The following CCDC91 variants were observed in gnomAD, a reference collection of about 807,000 sequenced individuals.
CCDC91 encodes the protein coiled-coil domain-containing protein 91.
A neutral mutation model predicts 63.2 loss-of-function variants in CCDC91; 48 were observed. That is an observed-to-expected ratio of 0.76 (90% CI 0.60 to 0.97). The LOEUF (loss-of-function observed/expected upper bound fraction) is 0.97, where lower values mean the gene tolerates loss of function less well. Among genes scored for constraint, CCDC91 ranks in the 50% least tolerant of loss-of-function variants. CCDC91 has a pLI of 0.00. For synonymous variants in CCDC91, 167 were observed against 165.8 expected, an observed-to-expected ratio of 1.01 and a Z score of -0.06; for missense variants, 500 against 494.6, an observed-to-expected ratio of 1.01 and a Z score of -0.10.
chr12:28,384,812 G>A (rs1308011033), intron 7 of CCDC91, among the ~76,000 whole-genome samples: 2 of 151,978 alleles, frequency 1.3e-5, no homozygotes, highest in Non-Finnish European at 2.9e-5. Context: ...GGTATGTAAA[G>A]TTCATGGAGG....
chr12:28,482,105 T>C (rs1951478055), intron 11 of CCDC91, among the ~76,000 whole-genome samples: 1 of 152,000 alleles, frequency 6.6e-6, no homozygotes, highest in Non-Finnish European at 1.5e-5. Context: ...ATACTTTTAA[T>C]TGACTCATAT....
chr12:28,248,695 C>T (rs996699549), intron 1 of CCDC91, among the ~76,000 whole-genome samples: 1 of 152,206 alleles, frequency 6.6e-6, no homozygotes, highest in Non-Finnish European at 1.5e-5. Context: ...TGAGATATAA[C>T]AATAGTGTCT....
chr12:28,335,917 T>A (rs1941940699), intron 6 of CCDC91, among the ~76,000 whole-genome samples: 1 of 151,654 alleles, frequency 6.6e-6, no homozygotes, highest in Non-Finnish European at 1.5e-5. Context: ...TGTTGCATCA[T>A]GGCCTATAGA....
chr12:28,280,587 A>C (rs533544789), intron 3 of CCDC91, among the ~76,000 whole-genome samples: 1 of 152,270 alleles, frequency 6.6e-6, no homozygotes, highest in African/African-American at 2.4e-5. Flanking sequence ...TTGGATTAGA[A>C]GAACATATAG....
intron 6 of CCDC91, among the ~76,000 whole-genome samples, chr12:28,340,655 C>T (rs1302045267): frequency 3.3e-5 from 5 of 152,120 alleles, no homozygotes; most frequent in Non-Finnish European, 5.9e-5. Context: ...TTTGGTGGCC[C>T]GCTACTTATA....
chr12:28,363,642 G>A (rs557029962), intron 7 of CCDC91, among the ~76,000 whole-genome samples: 15 of 152,154 alleles, frequency 9.9e-5, no homozygotes, highest in Middle Eastern at 6.8e-3. Flanking sequence ...CCAGCACTTC[G>A]GGAGGCCGAG....
chr12:28,411,091 C>T (rs1293571954), intron 8 of CCDC91, among the ~76,000 whole-genome samples: 1 of 152,076 alleles, frequency 6.6e-6, no homozygotes, highest in Non-Finnish European at 1.5e-5. Context: ...TGTGGTAATG[C>T]ATAACAACTA....
chr12:28,348,111 T>G (rs1469899165), intron 6 of CCDC91, among the ~76,000 whole-genome samples: 4 of 152,222 alleles, frequency 2.6e-5, no homozygotes, highest in African/African-American at 9.6e-5. Context: ...GTGTGTTCCT[T>G]GGTGTGAAGA....
intron 6 of CCDC91, among the ~76,000 whole-genome samples, chr12:28,331,276 G>A (rs530881891): frequency 6.6e-6 from 1 of 152,264 alleles, no homozygotes; most frequent in African/African-American, 2.4e-5. Context: ...CATGCTTGTG[G>A]TTTTTGAGTT....
chr12:28,260,253 C>G (rs774335647), intron 3 of CCDC91, among the ~76,000 whole-genome samples: 1 of 151,984 alleles, frequency 6.6e-6, no homozygotes, highest in Admixed American at 6.6e-5. Flanking sequence ...TATTTTCATA[C>G]CTGATCTGAG....
rs1303300693 is a variant in CCDC91, at chr12:28,545,929, T to C, written c.1216-3134T>C. Among the ~76,000 whole-genome samples the C allele has an allele frequency of 2.0e-5, 3 of 152,140 alleles. 1 individual carries two copies. The highest frequency in any genetic ancestry group is 4.1e-4 in the South Asian group (2 of 4,830). On this transcript the variant is annotated intron_variant, in intron 12 of 12. Coordinates refer to ENST00000536442, the MANE Select transcript of CCDC91 (RefSeq NM_018318.5). ...CTCAAAAGGAGAAAAGTTTCTCATT[T>C]ATCTAGCTTCTAAAAATTCTAAGAT...
chr12:28,219,468 A>ATTTTTT (rs752030088), intron 1 of CCDC91, among the ~76,000 whole-genome samples: 3 of 121,622 alleles, frequency 2.5e-5, no homozygotes, highest in Admixed American at 8.2e-5. Context: ...CAGTGTAACC[A>ATTTTTT]TTTTTTTTTT....
chr12:28,406,901 G>A (rs1946988978), intron 8 of CCDC91, among the ~76,000 whole-genome samples: 1 of 151,028 alleles, frequency 6.6e-6, no homozygotes, highest in African/African-American at 2.4e-5. Context: ...TACATGACAT[G>A]GTTTGGATCT....
At chr12:28,446,881 A>T (rs1949527133) in intron 8 of CCDC91, among the ~76,000 whole-genome samples, 1 of 152,246 alleles carries the variant, frequency 6.6e-6, no homozygotes, top group South Asian at 2.1e-4. Flanking sequence ...GGTCAGTAGC[A>T]GATACAAAGT....
chr12:28,528,215 G>A (rs1941439318), intron 12 of CCDC91, among the ~76,000 whole-genome samples: 1 of 152,044 alleles, frequency 6.6e-6, no homozygotes, highest in Admixed American at 6.6e-5. Flanking sequence ...CTCCTCAAGG[G>A]CCCCTGTGAG....
chr12:28,527,900 C>T (rs1941407425), intron 12 of CCDC91, among the ~76,000 whole-genome samples: 1 of 152,086 alleles, frequency 6.6e-6, no homozygotes, highest in South Asian at 2.1e-4. Flanking sequence ...AGTCACAGGC[C>T]TCACTCAGCT....
intron 3 of CCDC91, among the ~76,000 whole-genome samples, chr12:28,291,111 A>C (rs1232494977): frequency 6.6e-6 from 1 of 152,228 alleles, no homozygotes; most frequent in Admixed American, 6.5e-5. Context: ...ATTAGGAAGC[A>C]TTACAATCAA....
intron 8 of CCDC91, among the ~76,000 whole-genome samples, chr12:28,420,998 T>G (rs943974892): frequency 2.6e-5 from 4 of 152,106 alleles, no homozygotes; most frequent in African/African-American, 9.7e-5. Context: ...ACTTTCCTTT[T>G]TTTGCAATTT....
At chr12:28,272,417 T>C (rs1269997526) in intron 3 of CCDC91, among the ~76,000 whole-genome samples, 1 of 140,622 alleles carries the variant, frequency 7.1e-6, no homozygotes, top group African/African-American at 2.6e-5. Context: ...GTAAAGTCGC[T>C]TTTTTTTTTT....
Sources: allele counts gnomAD v4.1 joint callset (sites outside exome capture counted in the v4.1 genomes callset), GRCh38; gene constraint gnomAD v4.1.1; transcripts MANE v1.5; gene names NCBI Gene and HGNC (gene_info 2026-07-23, HGNC 2026-07-21).